Variants in TRIM24 observed in about 807,000 individuals in gnomAD.
The protein encoded by TRIM24 is tripartite motif containing 24.
Under a neutral mutation model 123.9 loss-of-function variants are expected in TRIM24, and 29 were observed. That is an observed-to-expected ratio of 0.23 (90% CI 0.17 to 0.32). TRIM24 has a LOEUF of 0.32. TRIM24 is among the 10% of genes least tolerant of loss of function. The pLI, the probability that TRIM24 is intolerant of heterozygous loss-of-function variation, is 1.00. For missense variants in TRIM24, 932 were observed against 1,295.3 expected, an observed-to-expected ratio of 0.72 and a Z score of 4.31; for synonymous variants, 456 against 461.1, an observed-to-expected ratio of 0.99 and a Z score of 0.14.
intron 7 of TRIM24, among the ~76,000 whole-genome samples, chr7:138,541,457 T>C (rs1797002317): frequency 6.6e-6 from 1 of 152,198 alleles, no homozygotes; most frequent in Non-Finnish European, 1.5e-5. Context: ...TAAAATCCTT[T>C]ATTTTCTGAG....
intron 9 of TRIM24, among the ~76,000 whole-genome samples, chr7:138,557,352 T>C (rs1797336056): frequency 6.6e-6 from 1 of 152,216 alleles, no homozygotes; most frequent in Non-Finnish European, 1.5e-5. Flanking sequence ...CACTTAATTC[T>C]TCATGAAAAG....
intron 1 of TRIM24, among the ~76,000 whole-genome samples, chr7:138,500,837 A>C (rs1796022410): frequency 6.6e-6 from 1 of 152,204 alleles, no homozygotes; most frequent in African/African-American, 2.4e-5. Context: ...AATATGGTAC[A>C]GCCTGTTGCT....
chr7:138,492,544 G>A (rs1206563627), intron 1 of TRIM24, among the ~76,000 whole-genome samples: 1 of 152,110 alleles, frequency 6.6e-6, no homozygotes, highest in East Asian at 1.9e-4. Context: ...TCCTTACATT[G>A]AAACAACCAG....
At position 138,529,244 on chromosome 7, in the gene TRIM24, C is replaced by G. The variant is rs774064663; in HGVS notation, c.996+14C>G. The G allele has an allele frequency of 1.6e-5, 21 of 1,324,216 alleles. No individual in the cohort carries two copies. The South Asian group carries it at 2.9e-4, about 18-fold the overall frequency. 82.0% of individuals were successfully genotyped at this position (1,324,216 alleles called of 1,614,324 possible). ...CATCAGTTAGAGGTAAGTGACTGCCCATGGGATAGTATATTGATTCAACAT... is the reference window on the plus strand; with the variant it reads ...CATCAGTTAGAGGTAAGTGACTGCCGATGGGATAGTATATTGATTCAACAT... On this transcript the variant is annotated intron_variant, in intron 6 of 18. Coordinates refer to ENST00000343526, the MANE Select transcript of TRIM24 (RefSeq NM_015905.3).
Position 138,551,973 on chromosome 7 carries a change from A to G in TRIM24, c.1261+793A>G, listed in dbSNP as rs114582061. Among the ~76,000 whole-genome samples, 614 of 152,308 alleles carry G rather than the reference A, an allele frequency of 4.0e-3. 3 individuals are homozygous for G. The highest frequency in any genetic ancestry group is 0.014 in the African/African-American group (590 of 41,574). Reference sequence around the variant, plus strand: ...ACAAGTACCCAGATCTTAAGCAATCAAGTACTGCATAATGATATCTCAATC... The same window carrying G: ...ACAAGTACCCAGATCTTAAGCAATCGAGTACTGCATAATGATATCTCAATC... On this transcript the variant is annotated intron_variant, in intron 8 of 18. Coordinates refer to ENST00000343526, the MANE Select transcript of TRIM24 (RefSeq NM_015905.3).
chr7:138,547,772 T>TA (rs1797130351), intron 7 of TRIM24, among the ~76,000 whole-genome samples: 1 of 152,156 alleles, frequency 6.6e-6, no homozygotes, highest in Non-Finnish European at 1.5e-5. Context: ...GCCTCCCAAG[T>TA]ATCTGTGATT....
At chr7:138,565,523 C>G (rs570023280) in intron 9 of TRIM24, among the ~76,000 whole-genome samples, 1 of 151,878 alleles carries the variant, frequency 6.6e-6, no homozygotes, top group Non-Finnish European at 1.5e-5. Flanking sequence ...GGTCACAGGT[C>G]TCTCCCGGCC....
chr7:138,505,343 A>G (rs534199961), intron 2 of TRIM24, among the ~76,000 whole-genome samples: 55 of 152,200 alleles, frequency 3.6e-4, no homozygotes, highest in African/African-American at 1.2e-3. Context: ...TGAGATTTTT[A>G]TTTCAAGCTC....
rs570649372 is a variant in TRIM24 at position 138,547,945 on chromosome 7, A to G, written c.1144-3118A>G. ...AGGTGTGAGCCACCGTGCCTGGCCT[A>G]TACGTATGTTTTAAAAGTATAGCCA... On this transcript the variant is annotated intron_variant, in intron 7 of 18. Transcript: ENST00000343526. Among the ~76,000 whole-genome samples the G allele has an allele frequency of 1.3e-4, 20 of 152,310 alleles. No homozygotes were observed. In the East Asian group the frequency reaches 3.7e-3, roughly 28 times the overall value.
At chr7:138,506,255 C>T (rs1371273332) in intron 2 of TRIM24, among the ~76,000 whole-genome samples, 1 of 152,166 alleles carries the variant, frequency 6.6e-6, no homozygotes. Flanking sequence ...GGGAGATAAA[C>T]TTTCTAATTG....
At chr7:138,562,486 G>A (rs957177040) in intron 9 of TRIM24, among the ~76,000 whole-genome samples, 10 of 152,140 alleles carry the variant, frequency 6.6e-5, no homozygotes, top group Non-Finnish European at 1.5e-4. Flanking sequence ...TTCTCCAGAT[G>A]GCTTCTGTAC....
rs531765941 is a variant in TRIM24, at chr7:138,550,540, G to A, written c.1144-523G>A. ...GTAGATGTTCATTGATGACTGCAGC[G>A]TGGAGGAAAGTGGATGGTGTGGTGT... On this transcript the variant is annotated intron_variant, in intron 7 of 18. Transcript: ENST00000343526. 7.2e-5 allele frequency among the ~76,000 whole-genome samples: 11 copies of A among 152,220 alleles called. No homozygotes were observed. The East Asian group carries it at 1.4e-3, about 19-fold the overall frequency.
At chr7:138,526,792 A>G (rs17461551) in intron 5 of TRIM24, among the ~76,000 whole-genome samples, 40,696 of 152,138 alleles carry the variant, frequency 0.27, 6,220 homozygotes, top group East Asian at 0.5. Context: ...TCAGAATAGT[A>G]TATTTTGCCA....
intron 12 of TRIM24, among the ~76,000 whole-genome samples, chr7:138,574,953 G>A (rs74374201): frequency 0.036 from 5,509 of 152,090 alleles, 148 homozygotes; most frequent in Middle Eastern, 0.088. Context: ...TTACTATTAA[G>A]GCATTATTTG....
At chr7:138,503,539 C>T in intron 1 of TRIM24, among the ~76,000 whole-genome samples, 1 of 148,322 alleles carries the variant, frequency 6.7e-6, no homozygotes, top group East Asian at 2.0e-4. Context: ...TGTATTTGTT[C>T]TTATGCATTT....
chr7:138,511,574 G>A (rs1178583074), intron 2 of TRIM24, among the ~76,000 whole-genome samples: 2 of 152,108 alleles, frequency 1.3e-5, no homozygotes, highest in Non-Finnish European at 2.9e-5. Flanking sequence ...ATATGCGTGA[G>A]CCACTGCGCC....
intron 1 of TRIM24, among the ~76,000 whole-genome samples, chr7:138,480,804 G>T (rs1211206587): frequency 6.6e-6 from 1 of 151,760 alleles, no homozygotes; most frequent in African/African-American, 2.4e-5. Context: ...TTATTTTTTG[G>T]CAACCTCGTG....
At chr7:138,547,934 G>A (rs1172307380) in intron 7 of TRIM24, among the ~76,000 whole-genome samples, 3 of 152,166 alleles carry the variant, frequency 2.0e-5, no homozygotes, top group Admixed American at 6.6e-5. Flanking sequence ...GTGAGCCACC[G>A]TGCCTGGCCT....
At chr7:138,488,815 G>A (rs1384866345) in intron 1 of TRIM24, among the ~76,000 whole-genome samples, 1 of 152,174 alleles carries the variant, frequency 6.6e-6, no homozygotes, top group African/African-American at 2.4e-5. Context: ...TGAGAAGAAT[G>A]TATATTCTGT....
Sources: gnomAD v4.1 joint callset for allele counts (sites outside exome capture counted in the v4.1 genomes callset) on GRCh38, gnomAD v4.1.1 for gene constraint, MANE v1.5 for transcripts, NCBI Gene and HGNC (gene_info 2026-07-23, HGNC 2026-07-21) for gene names.